CCSER1: variants seen among roughly 807,000 people sequenced by gnomAD.
CCSER1 encodes serine-rich coiled-coil domain-containing protein 1.
Under a neutral mutation model 82.0 loss-of-function variants are expected in CCSER1, and 41 were observed. The observed-to-expected ratio is 0.50, with a 90% confidence interval of 0.39 to 0.65. CCSER1 has a LOEUF of 0.65. Ranked by LOEUF, CCSER1 falls within the 30% of genes least tolerant of loss-of-function variation. CCSER1 has a pLI of 0.00. For missense variants in CCSER1, 1,119 were observed against 1,064.2 expected (o/e 1.05, Z -0.72); for synonymous variants, 414 against 383.9 (o/e 1.08, Z -0.92).
intron 10 of CCSER1, among the ~76,000 whole-genome samples, chr4:91,488,646 A>G (rs1758347527): frequency 6.6e-6 from 1 of 152,202 alleles, no homozygotes; most frequent in Non-Finnish European, 1.5e-5. Flanking sequence ...TGCTCCAGCC[A>G]TGCAGTATGT....
At chr4:90,661,429 T>C (rs1419920871) in intron 6 of CCSER1, among the ~76,000 whole-genome samples, 1 of 152,158 alleles carries the variant, frequency 6.6e-6, no homozygotes, top group Admixed American at 6.5e-5. Context: ...AGTGTATTTA[T>C]ATATATGCTA....
At chr4:91,476,686 T>C (rs1461796237) in intron 10 of CCSER1, among the ~76,000 whole-genome samples, 1 of 151,042 alleles carries the variant, frequency 6.6e-6, no homozygotes, top group Non-Finnish European at 1.5e-5. Flanking sequence ...AGCATGACAC[T>C]GGCAAAAAAA....
At chr4:90,687,157 A>C (rs1235001816) in intron 6 of CCSER1, among the ~76,000 whole-genome samples, 1 of 152,228 alleles carries the variant, frequency 6.6e-6, no homozygotes, top group Non-Finnish European at 1.5e-5. Context: ...TATTTTTCAC[A>C]GAAGCACTTC....
chr4:90,800,086 A>G (rs563296064), intron 7 of CCSER1, among the ~76,000 whole-genome samples: 1 of 152,302 alleles, frequency 6.6e-6, no homozygotes, highest in South Asian at 2.1e-4. Context: ...GGAGCATGCC[A>G]GTCATCTTGG....
chr4:91,203,781 T>C (rs1736123171), intron 10 of CCSER1, among the ~76,000 whole-genome samples: 1 of 151,836 alleles, frequency 6.6e-6, no homozygotes, highest in Non-Finnish European at 1.5e-5. Context: ...TTTGGTGAGA[T>C]TCTGAAGAAT....
At chr4:90,897,255 T>C (rs1184059905) in intron 8 of CCSER1, among the ~76,000 whole-genome samples, 1 of 151,926 alleles carries the variant, frequency 6.6e-6, no homozygotes, top group Non-Finnish European at 1.5e-5. Context: ...GAGTATCCAA[T>C]AGGTGGTTTA....
chr4:90,223,676 G>A (rs1742596819), intron 1 of CCSER1, among the ~76,000 whole-genome samples: 1 of 152,182 alleles, frequency 6.6e-6, no homozygotes, highest in Admixed American at 6.5e-5. Flanking sequence ...TGAAGGGAAT[G>A]TGTTAAATGT....
chr4:91,587,066 A>G (rs1764033192), intron 10 of CCSER1, among the ~76,000 whole-genome samples: 1 of 151,358 alleles, frequency 6.6e-6, no homozygotes, highest in Admixed American at 6.6e-5. Context: ...AGATTTTGAC[A>G]CTCCTCAGAT....
At chr4:90,933,343 A>G (rs1448338309) in intron 9 of CCSER1, among the ~76,000 whole-genome samples, 3 of 151,256 alleles carry the variant, frequency 2.0e-5, no homozygotes, top group South Asian at 2.1e-4. Flanking sequence ...GCCCGCCACC[A>G]CGCCCGGCTA....
intron 1 of CCSER1, among the ~76,000 whole-genome samples, chr4:90,289,710 T>G (rs1240008431): frequency 1.3e-5 from 2 of 151,948 alleles, no homozygotes; most frequent in Non-Finnish European, 2.9e-5. Context: ...AAGAATTTGA[T>G]GTCTTAAACT....
chr4:91,550,557 G>A (rs148276645), intron 10 of CCSER1, among the ~76,000 whole-genome samples: 33 of 152,250 alleles, frequency 2.2e-4, no homozygotes, highest in African/African-American at 6.0e-4. Context: ...TCAGCTTTTC[G>A]TTTATTGTTA....
intron 9 of CCSER1, among the ~76,000 whole-genome samples, chr4:91,053,150 A>C (rs1469941669): frequency 1.3e-5 from 2 of 152,156 alleles, no homozygotes; most frequent in Non-Finnish European, 2.9e-5. Context: ...AAAAAACCAT[A>C]ATCTTTCTTA....
intron 9 of CCSER1, among the ~76,000 whole-genome samples, chr4:90,936,284 C>A (rs775429346): frequency 2.6e-5 from 4 of 151,978 alleles, no homozygotes; most frequent in African/African-American, 4.8e-5. Flanking sequence ...AGAAGATTAA[C>A]CTATTTTGTA....
At chr4:90,740,791 G>A (rs983570653) in intron 7 of CCSER1, among the ~76,000 whole-genome samples, 2 of 152,186 alleles carry the variant, frequency 1.3e-5, no homozygotes, top group South Asian at 4.2e-4. Context: ...AAGTAGTACT[G>A]ATAGAAAATT....
chr4:90,141,994 C>CA (rs1410234000), intron 1 of CCSER1, among the ~76,000 whole-genome samples: 3 of 152,160 alleles, frequency 2.0e-5, no homozygotes, highest in African/African-American at 7.2e-5. Flanking sequence ...AGTGGACTGT[C>CA]ACGTTTTATT....
intron 5 of CCSER1, among the ~76,000 whole-genome samples, chr4:90,610,109 C>T (rs546125288): frequency 5.3e-5 from 8 of 151,736 alleles, no homozygotes; most frequent in East Asian, 1.9e-4. Flanking sequence ...AAAAATTAGC[C>T]GGGCGTGGTG....
intron 7 of CCSER1, among the ~76,000 whole-genome samples, chr4:90,759,049 A>G (rs923845195): frequency 2.0e-5 from 3 of 151,984 alleles, no homozygotes; most frequent in African/African-American, 7.3e-5. Flanking sequence ...AACATCTTGC[A>G]CCTCCTTCTA....
intron 8 of CCSER1, among the ~76,000 whole-genome samples, chr4:90,818,895 C>T (rs1294479391): frequency 6.6e-6 from 1 of 152,142 alleles, no homozygotes; most frequent in Non-Finnish European, 1.5e-5. Context: ...CAAAAAACTC[C>T]AGCACAAGAG....
At chr4:90,793,373 C>G (rs1755531700) in intron 7 of CCSER1, among the ~76,000 whole-genome samples, 1 of 152,116 alleles carries the variant, frequency 6.6e-6, no homozygotes, top group South Asian at 2.1e-4. Flanking sequence ...TGTGTTGTTC[C>G]CCACTATGTG....
Sources: gnomAD v4.1 joint callset for allele counts (sites outside exome capture counted in the v4.1 genomes callset) on GRCh38, gnomAD v4.1.1 for gene constraint, MANE v1.5 for transcripts, NCBI Gene and HGNC (gene_info 2026-07-23, HGNC 2026-07-21) for gene names.